COL25A1: variants seen among roughly 807,000 people sequenced by gnomAD.
COL25A1 encodes the protein collagen type XXV alpha 1 chain.
Under a neutral mutation model 128.4 loss-of-function variants are expected in COL25A1, and 103 were observed. The ratio of observed to expected loss-of-function variants is 0.80; its 90% CI spans 0.68 to 0.94. The LOEUF is 0.94. COL25A1 is among the 40% of genes least tolerant of loss of function. The probability of loss-of-function intolerance (pLI) is 0.00; values close to 1 mark genes in which losing one functional copy is unlikely to be tolerated. For missense variants in COL25A1, 745 were observed against 840.0 expected, an observed-to-expected ratio of 0.89 and a Z score of 1.40; for synonymous variants, 279 against 277.2, an observed-to-expected ratio of 1.01 and a Z score of -0.06.
chr4:109,294,027 C>T (rs1724724823), intron 3 of COL25A1, among the ~76,000 whole-genome samples: 1 of 152,102 alleles, frequency 6.6e-6, no homozygotes, highest in African/African-American at 2.4e-5. Context: ...GTGAAATCTA[C>T]TAGATGCTTT....
At chr4:108,845,503 AC>A (rs1189492973) in intron 28 of COL25A1, among the ~76,000 whole-genome samples, 6 of 152,168 alleles carry the variant, frequency 3.9e-5, no homozygotes, top group Non-Finnish European at 7.3e-5. Flanking sequence ...TTGGTTAAAG[AC>A]CTACAGTGTT....
At chr4:109,129,516 T>G (rs1394843138) in intron 3 of COL25A1, among the ~76,000 whole-genome samples, 1 of 152,174 alleles carries the variant, frequency 6.6e-6, no homozygotes, top group Admixed American at 6.5e-5. Context: ...TATAAAGTAA[T>G]ATAATTTTCT....
chr4:108,974,805 C>T (rs1752267605), intron 6 of COL25A1, among the ~76,000 whole-genome samples: 1 of 152,124 alleles, frequency 6.6e-6, no homozygotes, highest in African/African-American at 2.4e-5. Flanking sequence ...TAAATTTTCA[C>T]AAACTCAGCA....
chr4:108,920,098 C>T (rs535362454), intron 12 of COL25A1, among the ~76,000 whole-genome samples: 5 of 152,056 alleles, frequency 3.3e-5, no homozygotes, highest in Admixed American at 6.6e-5. Flanking sequence ...CTGATGATTG[C>T]GGATAACAAT....
At chr4:109,147,637 T>A (rs1415197541) in intron 3 of COL25A1, among the ~76,000 whole-genome samples, 1 of 151,960 alleles carries the variant, frequency 6.6e-6, no homozygotes, top group Non-Finnish European at 1.5e-5. Context: ...GCCAATGTGG[T>A]GAAACCCTGT....
intron 19 of COL25A1, among the ~76,000 whole-genome samples, chr4:108,877,118 G>C (rs1195756656): frequency 6.6e-6 from 1 of 152,204 alleles, no homozygotes; most frequent in African/African-American, 2.4e-5. Context: ...TCTGACACAG[G>C]CTGCTAATTT....
At chr4:108,818,395 AC>A (rs1282475897) in intron 36 of COL25A1, among the ~76,000 whole-genome samples, 4 of 152,158 alleles carry the variant, frequency 2.6e-5, no homozygotes, top group Non-Finnish European at 5.9e-5. Context: ...GACCAATATA[AC>A]CATCAACGCA....
intron 10 of COL25A1, among the ~76,000 whole-genome samples, chr4:108,938,700 C>CA (rs1349184687): frequency 6.6e-6 from 1 of 152,006 alleles, no homozygotes; most frequent in African/African-American, 2.4e-5. Context: ...ACTAAAAATA[C>CA]AAAAAAATTA....
intron 3 of COL25A1, among the ~76,000 whole-genome samples, chr4:109,206,875 A>C (rs1777043334): frequency 6.6e-6 from 1 of 152,158 alleles, no homozygotes; most frequent in South Asian, 2.1e-4. Context: ...GTAATACATC[A>C]GCGACCTCTG....
intron 13 of COL25A1, among the ~76,000 whole-genome samples, chr4:108,906,539 T>C (rs1457080988): frequency 1.3e-5 from 2 of 152,198 alleles, no homozygotes; most frequent in African/African-American, 4.8e-5. Context: ...CCATTAGGAC[T>C]TTCAGGTTTA....
chr4:108,815,240 A>G (rs1422799118), intron 37 of COL25A1, among the ~76,000 whole-genome samples: 1 of 152,194 alleles, frequency 6.6e-6, no homozygotes, highest in Non-Finnish European at 1.5e-5. Flanking sequence ...GACTGCCACA[A>G]TTTGAATTTT....
At chr4:108,887,720 T>C (rs1177234750) in intron 18 of COL25A1, among the ~76,000 whole-genome samples, 1 of 152,208 alleles carries the variant, frequency 6.6e-6, no homozygotes, top group Non-Finnish European at 1.5e-5. Flanking sequence ...GTAATCATTA[T>C]GATAAGGCAA....
intron 5 of COL25A1, among the ~76,000 whole-genome samples, chr4:109,047,189 A>G (rs1392976391): frequency 6.6e-6 from 1 of 152,172 alleles, no homozygotes; most frequent in African/African-American, 2.4e-5. Flanking sequence ...GTTGCCATCT[A>G]CATTTGGCAG....
intron 3 of COL25A1, among the ~76,000 whole-genome samples, chr4:109,132,097 G>C (rs2126069968): frequency 6.6e-6 from 1 of 152,228 alleles, no homozygotes; most frequent in Middle Eastern, 3.4e-3. Context: ...AAAGAATTGG[G>C]CAGAGATAGT....
At chr4:109,263,929 G>T (rs1781613446) in intron 3 of COL25A1, among the ~76,000 whole-genome samples, 1 of 152,206 alleles carries the variant, frequency 6.6e-6, no homozygotes, top group South Asian at 2.1e-4. Context: ...GAAACCATGA[G>T]AAGCTCTTGG....
intron 32 of COL25A1, among the ~76,000 whole-genome samples, chr4:108,829,406 TC>T (rs1732797752): frequency 6.6e-6 from 1 of 151,706 alleles, no homozygotes; most frequent in Non-Finnish European, 1.5e-5. Context: ...TATCTATCTA[TC>T]TATCTATCTA....
chr4:108,849,198 A>G (rs1306594113), intron 26 of COL25A1, among the ~76,000 whole-genome samples: 4 of 152,136 alleles, frequency 2.6e-5, no homozygotes, highest in Non-Finnish European at 4.4e-5. Flanking sequence ...TTCCAATTTC[A>G]GTAAAAAGGA....
chr4:108,953,327 T>C (rs1285252391), intron 8 of COL25A1, among the ~76,000 whole-genome samples: 1 of 152,198 alleles, frequency 6.6e-6, no homozygotes, highest in Non-Finnish European at 1.5e-5. Flanking sequence ...TTTGTAGTTT[T>C]CTCAGGGTTT....
intron 3 of COL25A1, among the ~76,000 whole-genome samples, chr4:109,263,980 T>C (rs1781618615): frequency 1.1e-4 from 16 of 152,196 alleles, no homozygotes; most frequent in Admixed American, 1.0e-3. Flanking sequence ...TTCATGTCAC[T>C]TAGAGCCTAA....
Sources: gnomAD v4.1 joint callset for allele counts (sites outside exome capture counted in the v4.1 genomes callset) on GRCh38, gnomAD v4.1.1 for gene constraint, MANE v1.5 for transcripts, NCBI Gene and HGNC (gene_info 2026-07-23, HGNC 2026-07-21) for gene names.